Variants in HMCN1 observed in about 807,000 individuals in gnomAD.
HMCN1 encodes the protein hemicentin 1.
In HMCN1, 321 loss-of-function variants were observed where a neutral mutation model predicts 625.9. That is an observed-to-expected ratio of 0.51 (90% CI 0.47 to 0.56). The LOEUF is 0.56. HMCN1 is among the 20% of genes least tolerant of loss of function. HMCN1 has a pLI of 0.00. For synonymous variants in HMCN1, 2,425 were observed against 2,417.6 expected (o/e 1.00, Z -0.09); for missense variants, 6,588 against 6,887.3 (o/e 0.96, Z 1.54).
chr1:186,019,768 T>C (rs925231442), intron 35 of HMCN1, 73 bp downstream of exon 35: 10 of 1,304,140 alleles, frequency 7.7e-6, no homozygotes, highest in Non-Finnish European at 1.1e-5. Flanking sequence ...AGTTATTCTT[T>C]CTTAACTGTA....
intron 100 of HMCN1, among the ~76,000 whole-genome samples, chr1:186,168,077 A>G (rs983982432): frequency 4.6e-5 from 7 of 151,896 alleles, no homozygotes; most frequent in African/African-American, 1.7e-4. Context: ...ATTTTGCAGA[A>G]AAGAGTATGT....
At chr1:186,163,627 T>C (rs573342957) in intron 97 of HMCN1, among the ~76,000 whole-genome samples, 20 of 152,304 alleles carry the variant, frequency 1.3e-4, no homozygotes, top group Non-Finnish European at 2.2e-4. Context: ...TATATGAAAA[T>C]TGCATTCCTA....
At chr1:186,117,795 T>C (rs1362220732) in intron 77 of HMCN1, among the ~76,000 whole-genome samples, 172 bp downstream of exon 77, 1 of 152,184 alleles carries the variant, frequency 6.6e-6, no homozygotes, top group Non-Finnish European at 1.5e-5. Context: ...AAAGGGGTTC[T>C]AGGGAATAGA....
chr1:186,127,714 C>G (rs1041090231), intron 82 of HMCN1, among the ~76,000 whole-genome samples: 1 of 152,078 alleles, frequency 6.6e-6, no homozygotes, highest in Admixed American at 6.6e-5. Flanking sequence ...ATCTTTGGTA[C>G]CGCCTTAGAG....
chr1:186,042,509 A>G (rs1436046012), intron 40 of HMCN1, among the ~76,000 whole-genome samples: 1 of 152,170 alleles, frequency 6.6e-6, no homozygotes, highest in Non-Finnish European at 1.5e-5. Context: ...ATGATAAAAG[A>G]GTTGATATTT....
At chr1:186,059,550 A>T (rs1279065390) in intron 46 of HMCN1, among the ~76,000 whole-genome samples, 1 of 152,086 alleles carries the variant, frequency 6.6e-6, no homozygotes, top group Non-Finnish European at 1.5e-5. Context: ...TGGTGCTGCC[A>T]AAGGAGTTAT....
intron 97 of HMCN1, among the ~76,000 whole-genome samples, chr1:186,162,774 G>A (rs939921248): frequency 2.0e-5 from 3 of 152,164 alleles, no homozygotes; most frequent in Non-Finnish European, 4.4e-5. Flanking sequence ...TCCTCTGGAA[G>A]TTTTGTCTCA....
intron 89 of HMCN1, among the ~76,000 whole-genome samples, chr1:186,139,966 A>G (rs2102542656): frequency 6.6e-6 from 1 of 152,306 alleles, no homozygotes; most frequent in South Asian, 2.1e-4. Context: ...GCTTTAGTAC[A>G]GTTCATTTCT....
chr1:186,035,022 A>G (rs1284259040), intron 36 of HMCN1, among the ~76,000 whole-genome samples: 1 of 152,180 alleles, frequency 6.6e-6, no homozygotes, highest in African/African-American at 2.4e-5. Flanking sequence ...CAAATTCTTC[A>G]ATGAGCACTT....
intron 2 of HMCN1, among the ~76,000 whole-genome samples, chr1:185,860,076 C>A (rs1013707450): frequency 6.6e-6 from 1 of 152,086 alleles, no homozygotes; most frequent in African/African-American, 2.4e-5. Context: ...ATGTTAACTT[C>A]TTTTGGAAAA....
intron 97 of HMCN1, among the ~76,000 whole-genome samples, chr1:186,158,206 T>C (rs1210690409): frequency 1.3e-5 from 2 of 150,758 alleles, no homozygotes; most frequent in Non-Finnish European, 1.5e-5. Flanking sequence ...GATGAGCATT[T>C]TTTCATGTGT....
At chr1:185,974,548 G>A (rs142560326) in intron 15 of HMCN1, among the ~76,000 whole-genome samples, 56 of 152,208 alleles carry the variant, frequency 3.7e-4, no homozygotes, top group African/African-American at 1.3e-3. Flanking sequence ...ACCGTGCACC[G>A]TACTACACTC....
chr1:186,020,925 C>G (rs1301456189), intron 35 of HMCN1, among the ~76,000 whole-genome samples: 1 of 152,010 alleles, frequency 6.6e-6, no homozygotes, highest in Admixed American at 6.6e-5. Context: ...TTTATTTTTA[C>G]TTTAAGGTAA....
At chr1:185,830,728 A>C (rs1046605602) in intron 1 of HMCN1, among the ~76,000 whole-genome samples, 2 of 152,072 alleles carry the variant, frequency 1.3e-5, no homozygotes, top group Non-Finnish European at 2.9e-5. Flanking sequence ...CTCTACAAAA[A>C]AATACAAAAA....
At chr1:186,115,632 C>G (rs866204969) in intron 75 of HMCN1, among the ~76,000 whole-genome samples, 6 of 152,138 alleles carry the variant, frequency 3.9e-5, no homozygotes, top group Non-Finnish European at 8.8e-5. Context: ...GGATGAATGT[C>G]AGTGATTATA....
At chr1:186,171,937 G>A in intron 101 of HMCN1, 69 bp from the exon 102 acceptor site, 1 of 1,486,114 alleles carries the variant, frequency 6.7e-7, no homozygotes, top group Admixed American at 1.7e-5. Context: ...AAATCCAAAA[G>A]TATGATTTCT....
Position 186,166,800 on chromosome 1 carries a change from T to C in HMCN1, c.15440-8T>C. On this transcript the variant is annotated splice_polypyrimidine_tract_variant and splice_region_variant and intron_variant, in intron 99 of 106. Transcript: ENST00000271588. Reference sequence around the variant, plus strand: ...CTCACCTCAGTTGAATGATTCCCTCTGTTGCAGATATTGATGAGTGTGCTT... The same window carrying C: ...CTCACCTCAGTTGAATGATTCCCTCCGTTGCAGATATTGATGAGTGTGCTT... 6.2e-7 allele frequency: 1 copy of C among 1,614,176 alleles called. No homozygotes were observed. Among genetic ancestry groups the C allele is most frequent in the Non-Finnish European group, 8.5e-7 (1 of 1,180,004 alleles).
At position 186,093,628 on chromosome 1, in the gene HMCN1, C is replaced by T; in HGVS notation, c.10155C>T (p.Leu3385=). The change falls in exon 66 of 107, where the codon CTC becomes CTT. Residue 3385 remains leucine (L), a synonymous_variant. Transcript: ENST00000271588. The part of the protein sequence containing the change: ...NWLKNGLPLP[L]SSHIRLLAAG... ...TGAAGAATGGACTTCCTCTGCCTCT[C>T]TCCTCCCATATCCGGTTACTGGCAG... 1 of 1,613,420 alleles carries T rather than the reference C, an allele frequency of 6.2e-7. No homozygotes were observed. The highest frequency in any genetic ancestry group is 8.5e-7 in the Non-Finnish European group (1 of 1,179,580).
rs1009179590 is a variant in HMCN1, at chr1:185,734,539, G to A, written c.-241G>A. 26 of 520,550 alleles carry A rather than the reference G, an allele frequency of 5.0e-5. No homozygotes were observed. Among genetic ancestry groups the A allele is most frequent in the Non-Finnish European group, 1.4e-5 (4 of 290,322 alleles). The allele number at this position is 520,550 out of a possible 1,614,324, so 32.2% of individuals were successfully genotyped here. A position where few individuals can be genotyped will look rare whatever the true frequency, so the allele number is the denominator to read the frequency against. On this transcript the variant is annotated 5_prime_UTR_variant, in exon 1 of 107. It removes the in-frame stop codon of an upstream open reading frame in the 5' UTR. Transcript: ENST00000271588. ...GCTGTCCAGGGCCCGCGGGCAGATA[G>A]CAGTCCAGGAGGAAGCCGCATCCAG...
Sources: gnomAD v4.1 joint callset for allele counts (sites outside exome capture counted in the v4.1 genomes callset) on GRCh38, gnomAD v4.1.1 for gene constraint, MANE v1.5 for transcripts, NCBI Gene and HGNC (gene_info 2026-07-23, HGNC 2026-07-21) for gene names.